Variants in FGGY observed in about 807,000 individuals in gnomAD.
FGGY encodes the protein FGGY carbohydrate kinase domain containing.
In FGGY, 72 loss-of-function variants were observed where a neutral mutation model predicts 71.3. That is an observed-to-expected ratio of 1.01 (90% CI 0.84 to 1.23). The LOEUF (loss-of-function observed/expected upper bound fraction) is 1.23. Among genes scored for constraint, FGGY ranks in the 50% most tolerant of loss-of-function variants. FGGY has a pLI of 0.00. For synonymous variants in FGGY, 251 were observed against 250.3 expected, an observed-to-expected ratio of 1.00 and a Z score of -0.02; for missense variants, 668 against 682.3, an observed-to-expected ratio of 0.98 and a Z score of 0.23.
At chr1:59,688,851 G>A (rs111395354) in intron 14 of FGGY, among the ~76,000 whole-genome samples, 9,962 of 151,774 alleles carry the variant, frequency 0.066, 437 homozygotes, top group Middle Eastern at 0.14. Context: ...CCTGGTTCAA[G>A]TGATTCTCCT....
chr1:59,647,706 T>C (rs2097108834), intron 11 of FGGY, among the ~76,000 whole-genome samples: 2 of 149,908 alleles, frequency 1.3e-5, no homozygotes, highest in Non-Finnish European at 3.0e-5. Flanking sequence ...TTCAGAGGCC[T>C]CCGGCATTCC....
intron 9 of FGGY, among the ~76,000 whole-genome samples, chr1:59,612,552 G>T (rs1011766644): frequency 6.6e-6 from 1 of 152,174 alleles, no homozygotes; most frequent in East Asian, 1.9e-4. Flanking sequence ...ATGCCAAATT[G>T]TAAAGACCAT....
intron 10 of FGGY, among the ~76,000 whole-genome samples, chr1:59,630,205 C>A (rs1181385389): frequency 2.0e-5 from 3 of 152,146 alleles, no homozygotes; most frequent in African/African-American, 7.2e-5. Context: ...AATTCAATTA[C>A]CTCCAACCAG....
intron 5 of FGGY, among the ~76,000 whole-genome samples, chr1:59,422,305 C>T (rs1237005188): frequency 3.3e-5 from 5 of 152,170 alleles, no homozygotes; most frequent in African/African-American, 1.2e-4. Flanking sequence ...TTCAGTTGCT[C>T]AGGAGCAGAT....
At chr1:59,734,396 G>A (rs531109373) in intron 14 of FGGY, among the ~76,000 whole-genome samples, 1 of 152,050 alleles carries the variant, frequency 6.6e-6, no homozygotes, top group Non-Finnish European at 1.5e-5. Context: ...GTAGAGACGG[G>A]GTTTTGCCAC....
At chr1:59,405,212 G>T (rs1281258970) in intron 5 of FGGY, among the ~76,000 whole-genome samples, 2 of 152,174 alleles carry the variant, frequency 1.3e-5, no homozygotes, top group Non-Finnish European at 2.9e-5. Flanking sequence ...GGAGCAGATG[G>T]GATAGTAAAA....
At chr1:59,394,549 A>G (rs1426675452) in intron 5 of FGGY, among the ~76,000 whole-genome samples, 1 of 152,202 alleles carries the variant, frequency 6.6e-6, no homozygotes, top group East Asian at 1.9e-4. Flanking sequence ...AAGTGTATAA[A>G]GCTCATAGTA....
At chr1:59,383,865 C>T (rs567499836) in intron 5 of FGGY, among the ~76,000 whole-genome samples, 13 of 152,262 alleles carry the variant, frequency 8.5e-5, no homozygotes, top group African/African-American at 2.2e-4. Context: ...ATTGATGTCT[C>T]GTGTCTCCCT....
At chr1:59,474,739 C>T (rs1224149747) in intron 6 of FGGY, among the ~76,000 whole-genome samples, 1 of 152,190 alleles carries the variant, frequency 6.6e-6, no homozygotes, top group East Asian at 1.9e-4. Context: ...CCTTAAGTGA[C>T]TGATGTAGAT....
chr1:59,597,446 G>A (rs2096534929), intron 8 of FGGY, among the ~76,000 whole-genome samples: 1 of 152,010 alleles, frequency 6.6e-6, no homozygotes, highest in Non-Finnish European at 1.5e-5. Flanking sequence ...CTCTTCTCTA[G>A]AGCCATTATA....
chr1:59,375,539 G>C (rs1229318090), intron 4 of FGGY, among the ~76,000 whole-genome samples: 2 of 152,154 alleles, frequency 1.3e-5, no homozygotes, highest in Non-Finnish European at 2.9e-5. Context: ...AATATTTGTT[G>C]AATTACTAGA....
chr1:59,683,949 G>A (rs1010670689), intron 14 of FGGY, among the ~76,000 whole-genome samples: 2 of 152,158 alleles, frequency 1.3e-5, no homozygotes, highest in African/African-American at 4.8e-5. Flanking sequence ...TGCATTTTCT[G>A]CTCTCCTCTG....
At chr1:59,762,066 A>ATT (rs3990362) in intron 15 of FGGY, among the ~76,000 whole-genome samples, 10 of 141,458 alleles carry the variant, frequency 7.1e-5, no homozygotes, top group Non-Finnish European at 1.5e-4. Flanking sequence ...TCATTTAGGA[A>ATT]TTTTTTTTTT....
chr1:59,315,724 C>T (rs935284388), intron 1 of FGGY: 4 of 152,206 alleles, frequency 2.6e-5, no homozygotes, highest in African/African-American at 9.7e-5. Context: ...TTACAGACTA[C>T]GCCAAGCCAC....
intron 11 of FGGY, among the ~76,000 whole-genome samples, chr1:59,655,223 A>C (rs566527134): frequency 6.6e-6 from 1 of 152,216 alleles, no homozygotes; most frequent in Non-Finnish European, 1.5e-5. Flanking sequence ...AAGAGAATGA[A>C]CACTTATTAA....
intron 14 of FGGY, among the ~76,000 whole-genome samples, chr1:59,753,737 CA>C (rs911667620): frequency 6.6e-6 from 1 of 151,350 alleles, no homozygotes. Context: ...ATGGAGCAAA[CA>C]AAAAATTATG....
At chr1:59,325,288 C>T (rs2047204932) in intron 2 of FGGY, among the ~76,000 whole-genome samples, 1 of 152,194 alleles carries the variant, frequency 6.6e-6, no homozygotes, top group Non-Finnish European at 1.5e-5. Flanking sequence ...ACCTGGGAGG[C>T]GGAGCTTGCA....
chr1:59,406,491 C>T lies in FGGY; in HGVS notation c.554+27654C>T, dbSNP rs923694233. ...GCGATGTGCCTTACAGAGACAATAA[C>T]GTGTGTTTGATAAGCTTCATTCAGG... On this transcript the variant is annotated intron_variant, in intron 5 of 15. Transcript: ENST00000303721. Among the ~76,000 whole-genome samples the T allele has an allele frequency of 2.6e-5, 4 of 152,106 alleles. No individual in the cohort carries two copies. The South Asian group carries it at 6.2e-4, about 24-fold the overall frequency.
intron 6 of FGGY, among the ~76,000 whole-genome samples, chr1:59,485,161 G>A (rs937555910): frequency 6.6e-6 from 1 of 152,154 alleles, no homozygotes; most frequent in South Asian, 2.1e-4. Flanking sequence ...CTAGCTAGTG[G>A]CATGTTACCA....
Sources: allele counts gnomAD v4.1 joint callset (sites outside exome capture counted in the v4.1 genomes callset), GRCh38; gene constraint gnomAD v4.1.1; transcripts MANE v1.5; gene names NCBI Gene and HGNC (gene_info 2026-07-23, HGNC 2026-07-21).